The following DMD variants were observed in gnomAD, a reference collection of about 807,000 sequenced individuals.
DMD encodes the protein dystrophin.
Under a neutral mutation model 330.1 loss-of-function variants are expected in DMD, and 63 were observed. The observed-to-expected ratio is 0.19, with a 90% confidence interval of 0.16 to 0.24. The LOEUF is 0.24. DMD is among the 10% of genes least tolerant of loss of function. The probability of loss-of-function intolerance (pLI) is 1.00; values close to 1 mark genes in which losing one functional copy is unlikely to be tolerated. For synonymous variants in DMD, 1,223 were observed against 959.8 expected (o/e 1.27, Z -5.07); for missense variants, 3,344 against 2,684.1 (o/e 1.25, Z -5.43).
At chrX:32,860,747 CAG>C (rs1163426190) in intron 2 of DMD, among the ~76,000 whole-genome samples, 3 of 110,858 alleles carry the variant, frequency 2.7e-5, no homozygotes, top group African/African-American at 6.6e-5. Context: ...ATTTAAGAAA[CAG>C]AATATGATCA....
intron 7 of DMD, among the ~76,000 whole-genome samples, chrX:32,755,299 T>C (rs1286362896): frequency 1.0e-5 from 1 of 98,225 alleles, no homozygotes; most frequent in African/African-American, 4.1e-5. Flanking sequence ...CCTCTAAAAA[T>C]ATTGTCTTCA....
intron 67 of DMD, among the ~76,000 whole-genome samples, chrX:31,187,154 T>A (rs2041848188): frequency 8.9e-6 from 1 of 112,834 alleles, no homozygotes; most frequent in Non-Finnish European, 1.9e-5. Flanking sequence ...ATAGAGTTAT[T>A]TTATGATTAC....
In DMD at chrX:32,721,229, G is replaced by A. The variant is rs865800024; in HGVS notation, c.650-21936C>T. Reference sequence around the variant, plus strand: ...TCTGTGGGTCTATACCCAGGAGTGGGATTGTTGGGTCATATGGTAGTTCTA... The same window carrying A: ...TCTGTGGGTCTATACCCAGGAGTGGAATTGTTGGGTCATATGGTAGTTCTA... On this transcript the variant is annotated intron_variant, in intron 7 of 78. Coordinates refer to ENST00000357033, the MANE Select transcript of DMD (RefSeq NM_004006.3). 9.9e-4 allele frequency among the ~76,000 whole-genome samples: 110 copies of A among 110,754 alleles called. 1 individual carries two copies. The highest frequency in any genetic ancestry group is 3.4e-3 in the African/African-American group (104 of 30,496).
chrX:32,307,860 G>T (rs1432506974), intron 42 of DMD, among the ~76,000 whole-genome samples: 1 of 110,797 alleles, frequency 9.0e-6, no homozygotes, highest in Non-Finnish European at 1.9e-5. Context: ...AGTTAATATT[G>T]CTCTAAACTT....
intron 47 of DMD, among the ~76,000 whole-genome samples, chrX:31,928,527 A>T (rs774624457): frequency 9.1e-6 from 1 of 109,772 alleles, no homozygotes; most frequent in East Asian, 2.9e-4. Flanking sequence ...AACCACTTGA[A>T]CCTGGGAGGC....
intron 21 of DMD, among the ~76,000 whole-genome samples, chrX:32,479,383 C>G (rs1038407399): frequency 1.2e-4 from 13 of 111,169 alleles, no homozygotes; most frequent in Non-Finnish European, 2.3e-4. Flanking sequence ...ATTTATTCCT[C>G]CAGTCTAACT....
chrX:32,196,310 T>G (rs957591744), intron 44 of DMD, among the ~76,000 whole-genome samples: 22 of 112,114 alleles, frequency 2.0e-4, no homozygotes, highest in African/African-American at 6.2e-4. Flanking sequence ...AAAAAAATTT[T>G]TCACTTCACA....
At chrX:32,803,059 T>A (rs1050004894) in intron 7 of DMD, among the ~76,000 whole-genome samples, 1 of 112,033 alleles carries the variant, frequency 8.9e-6, no homozygotes, top group Non-Finnish European at 1.9e-5. Flanking sequence ...CTCCTCTTTG[T>A]ACCTCTGGTA....
chrX:31,601,073 C>T (rs1164013769), intron 55 of DMD, among the ~76,000 whole-genome samples: 1 of 111,842 alleles, frequency 8.9e-6, no homozygotes, highest in African/African-American at 3.3e-5. Context: ...AAACAGGACA[C>T]AAATTCAGCA....
chrX:33,099,618 A>G (rs1211028910), intron 1 of DMD, among the ~76,000 whole-genome samples: 1 of 111,983 alleles, frequency 8.9e-6, no homozygotes, highest in Non-Finnish European at 1.9e-5. Flanking sequence ...ATGACTTAAA[A>G]TTAACAAATT....
intron 1 of DMD, among the ~76,000 whole-genome samples, chrX:33,203,132 A>G (rs904636928): frequency 1.8e-5 from 2 of 111,650 alleles, no homozygotes; most frequent in African/African-American, 6.5e-5. Flanking sequence ...CACTTTCACT[A>G]ACGGTCCTCC....
intron 9 of DMD, among the ~76,000 whole-genome samples, chrX:32,653,441 C>G (rs993877918): frequency 9.0e-6 from 1 of 111,727 alleles, no homozygotes; most frequent in African/African-American, 3.3e-5. Flanking sequence ...TTGTTTTTCT[C>G]AGGTTTGTCA....
At chrX:31,691,766 A>T (rs2083140410) in intron 52 of DMD, among the ~76,000 whole-genome samples, 2 of 112,247 alleles carry the variant, frequency 1.8e-5, no homozygotes, top group Non-Finnish European at 3.8e-5. Context: ...ATCCCAAATC[A>T]GAGCACCTAA....
In DMD at chrX:32,726,121, C is replaced by T. The variant is rs947195338; in HGVS notation, c.650-26828G>A. Reference sequence around the variant, plus strand: ...AAATTTATTACAGCTGAAGAATCTACGCAATCTTAACTTTCTATGGAGGCA... The same window carrying T: ...AAATTTATTACAGCTGAAGAATCTATGCAATCTTAACTTTCTATGGAGGCA... On this transcript the variant is annotated intron_variant, in intron 7 of 78. Transcript: ENST00000357033. Among the ~76,000 whole-genome samples, 11 of 111,220 alleles carry T rather than the reference C, an allele frequency of 9.9e-5. 1 individual carries two copies. The highest frequency in any genetic ancestry group is 3.7e-4 in the South Asian group (1 of 2,706).
intron 59 of DMD, among the ~76,000 whole-genome samples, chrX:31,449,211 G>A (rs1168387937): frequency 1.8e-5 from 2 of 111,242 alleles, no homozygotes; most frequent in Non-Finnish European, 3.8e-5. Context: ...CTGGCATAGC[G>A]TGCAGTGCCT....
intron 7 of DMD, among the ~76,000 whole-genome samples, chrX:32,774,609 G>GAC (rs1342256157): frequency 9.0e-6 from 1 of 111,173 alleles, no homozygotes; most frequent in African/African-American, 3.3e-5. Context: ...GGAACAGCCA[G>GAC]ACACTTAAAC....
chrX:32,657,589 G>A (rs1304505572), intron 9 of DMD, among the ~76,000 whole-genome samples: 1 of 111,973 alleles, frequency 8.9e-6, no homozygotes, highest in African/African-American at 3.2e-5. Context: ...TTGGCTGACA[G>A]AGATTCATGA....
intron 55 of DMD, among the ~76,000 whole-genome samples, chrX:31,510,047 G>A (rs1342162963): frequency 8.9e-6 from 1 of 112,138 alleles, no homozygotes; most frequent in Non-Finnish European, 1.9e-5. Flanking sequence ...TGTCAGTACT[G>A]CTTTTCTAGG....
At chrX:32,474,196 T>TACAC (rs1405187750) in intron 21 of DMD, among the ~76,000 whole-genome samples, 236 of 39,780 alleles carry the variant, frequency 5.9e-3, no homozygotes, top group African/African-American at 0.016. Context: ...CCATCATATA[T>TACAC]ACATACATAC....
Sources: gnomAD v4.1 joint callset for allele counts (sites outside exome capture counted in the v4.1 genomes callset) on GRCh38, gnomAD v4.1.1 for gene constraint, MANE v1.5 for transcripts, NCBI Gene and HGNC (gene_info 2026-07-23, HGNC 2026-07-21) for gene names.